Variants in DCLK2 observed in about 807,000 individuals in gnomAD.
The protein encoded by DCLK2 is serine/threonine-protein kinase DCLK2.
Under a neutral mutation model 78.4 loss-of-function variants are expected in DCLK2, and 31 were observed. The ratio of observed to expected loss-of-function variants is 0.40; its 90% confidence interval spans 0.30 to 0.53. The LOEUF (loss-of-function observed/expected upper bound fraction) is 0.53. Among genes scored for constraint, DCLK2 ranks in the 20% least tolerant of loss-of-function variants. The pLI is 0.61. For missense variants in DCLK2, 872 were observed against 973.7 expected, an observed-to-expected ratio of 0.90 and a Z score of 1.39; for synonymous variants, 407 against 374.9, an observed-to-expected ratio of 1.09 and a Z score of -0.99.
At chr4:150,080,119 C>CT (rs926022379) in intron 1 of DCLK2, among the ~76,000 whole-genome samples, 1 of 151,150 alleles carries the variant, frequency 6.6e-6, no homozygotes, top group South Asian at 2.1e-4. Flanking sequence ...AAGCCCCCCC[C>CT]CCAGGTGATT....
chr4:150,122,889 TAA>T (rs1283034258), intron 2 of DCLK2, among the ~76,000 whole-genome samples: 1 of 152,258 alleles, frequency 6.6e-6, no homozygotes, highest in African/African-American at 2.4e-5. Flanking sequence ...CTTCTTTCCT[TAA>T]ACCTCATGAA....
chr4:150,079,436 G>C lies in DCLK2; in HGVS notation c.409G>C (p.Glu137Gln). ...DGSRKVTSLD[E>Q]LLEGESYVCA... is the part of the protein sequence containing the mutation. ...CAGCCGGAAGGTCACCAGCCTGGAC[G>C]AGCTGCTGGAAGGTAGGAGGGGAGG... The change falls in exon 1 of 16, where the codon GAG becomes CAG. Residue 137 changes from glutamate (E) to glutamine (Q), a missense_variant. Coordinates refer to ENST00000296550, the MANE Select transcript of DCLK2 (RefSeq NM_001040260.4). 5 of 1,527,216 alleles carry C rather than the reference G, an allele frequency of 3.3e-6. No homozygotes were observed. The South Asian group carries it at 3.8e-5, about 12-fold the overall frequency. 94.6% of individuals were successfully genotyped at this position (1,527,216 alleles called of 1,614,324 possible). A position where few individuals can be genotyped will look rare whatever the true frequency, so the allele number is the denominator to read the frequency against.
At position 150,202,278 on chromosome 4, in the gene DCLK2, C is replaced by G. The variant is rs140180059; in HGVS notation, c.962-1517C>G. On this transcript the variant is annotated intron_variant, in intron 4 of 15. Transcript: ENST00000296550. The stretch of plus-strand genomic sequence containing the variant: ...GAAGTAATCAGGGCTGTTGAATACT[C>G]TTATTTTTAATTGTACAGTTAATTG... 3.9e-4 allele frequency among the ~76,000 whole-genome samples: 60 copies of G among 152,230 alleles called. 1 individual carries two copies. The East Asian group carries it at 7.9e-3, about 20-fold the overall frequency.
chr4:150,117,304 T>G (rs970559106), intron 2 of DCLK2, among the ~76,000 whole-genome samples: 1 of 152,154 alleles, frequency 6.6e-6, no homozygotes, highest in African/African-American at 2.4e-5. Context: ...AGTGTTCCAC[T>G]AGCAGCAGCT....
chr4:150,136,720 G>A (rs1480892996), intron 2 of DCLK2, among the ~76,000 whole-genome samples: 2 of 152,218 alleles, frequency 1.3e-5, no homozygotes, highest in East Asian at 3.9e-4. Context: ...TTAGCAACTG[G>A]CAGACACTAA....
chr4:150,110,978 C>T (rs936489674), intron 2 of DCLK2, among the ~76,000 whole-genome samples: 1 of 152,076 alleles, frequency 6.6e-6, no homozygotes, highest in Non-Finnish European at 1.5e-5. Context: ...ATAATGGCTT[C>T]TTTTCCTTTG....
At chr4:150,110,565 T>C (rs548786861) in intron 2 of DCLK2, among the ~76,000 whole-genome samples, 1 of 152,238 alleles carries the variant, frequency 6.6e-6, no homozygotes, top group South Asian at 2.1e-4. Flanking sequence ...AGTCTGAGAT[T>C]TTATTGCGCC....
intron 5 of DCLK2, among the ~76,000 whole-genome samples, chr4:150,213,203 C>T (rs1280040635): frequency 6.6e-6 from 1 of 152,220 alleles, no homozygotes; most frequent in Non-Finnish European, 1.5e-5. Flanking sequence ...AGAAGTTGGG[C>T]TCCACACTGC....
At chr4:150,093,254 G>A (rs185545817) in intron 1 of DCLK2, among the ~76,000 whole-genome samples, 1 of 152,272 alleles carries the variant, frequency 6.6e-6, no homozygotes, top group Admixed American at 6.5e-5. Context: ...ATTGAAGGAA[G>A]TTAAAGAATA....
At chr4:150,255,934 C>A in intron 15 of DCLK2, 86 bp from the exon 16 acceptor site, 1 of 1,524,266 alleles carries the variant, frequency 6.6e-7, no homozygotes. Context: ...GAGGCCCGTG[C>A]ATGCTCTGTT....
intron 2 of DCLK2, among the ~76,000 whole-genome samples, chr4:150,115,810 T>G (rs899877633): frequency 1.3e-5 from 2 of 152,238 alleles, no homozygotes; most frequent in Non-Finnish European, 2.9e-5. Context: ...TTTACTCAGT[T>G]GAACAGTTCA....
At chr4:150,084,042 T>C (rs988298825) in intron 1 of DCLK2, among the ~76,000 whole-genome samples, 7 of 152,234 alleles carry the variant, frequency 4.6e-5, no homozygotes, top group Non-Finnish European at 7.3e-5. Context: ...ATGGCCATAT[T>C]GGCCGGGGTG....
chr4:150,099,991 T>C (rs1416577609), intron 1 of DCLK2, among the ~76,000 whole-genome samples: 2 of 152,142 alleles, frequency 1.3e-5, no homozygotes, highest in Admixed American at 1.3e-4. Context: ...TATCTCTCTG[T>C]AGCCTTGAAC....
At chr4:150,143,926 A>G (rs1249280959) in intron 2 of DCLK2, among the ~76,000 whole-genome samples, 1 of 151,514 alleles carries the variant, frequency 6.6e-6, no homozygotes, top group Non-Finnish European at 1.5e-5. Context: ...AGTTCCTTAT[A>G]GATTCTGGAT....
At chr4:150,219,128 T>A (rs1264599036) in intron 5 of DCLK2, among the ~76,000 whole-genome samples, 1 of 152,014 alleles carries the variant, frequency 6.6e-6, no homozygotes, top group Non-Finnish European at 1.5e-5. Context: ...CCCTTGAGCC[T>A]GGGAGGTGGA....
At chr4:150,118,054 C>A (rs564236127) in intron 2 of DCLK2, among the ~76,000 whole-genome samples, 1 of 150,032 alleles carries the variant, frequency 6.7e-6, no homozygotes, top group Non-Finnish European at 1.5e-5. Flanking sequence ...ACACAACTGG[C>A]GATGGAGCTA....
chr4:150,223,729 G>A (rs1344452491), intron 7 of DCLK2, among the ~76,000 whole-genome samples: 1 of 145,242 alleles, frequency 6.9e-6, no homozygotes. Flanking sequence ...GGCTGACAGA[G>A]CAAGACTCTC....
intron 1 of DCLK2, among the ~76,000 whole-genome samples, chr4:150,081,410 A>C (rs893349257): frequency 6.6e-6 from 1 of 152,188 alleles, no homozygotes; most frequent in Admixed American, 6.5e-5. Context: ...ATTTCCTTCA[A>C]ATCATTCACT....
At chr4:150,159,562 G>T (rs142087336) in intron 2 of DCLK2, among the ~76,000 whole-genome samples, 1 of 152,248 alleles carries the variant, frequency 6.6e-6, no homozygotes, top group Non-Finnish European at 1.5e-5. Flanking sequence ...AGCTGAGAGT[G>T]TGGGCTTCTC....
Sources: gnomAD v4.1 joint callset for allele counts (sites outside exome capture counted in the v4.1 genomes callset) on GRCh38, gnomAD v4.1.1 for gene constraint, MANE v1.5 for transcripts, NCBI Gene and HGNC (gene_info 2026-07-23, HGNC 2026-07-21) for gene names.